Variants in IL21R observed in about 807,000 individuals in gnomAD.
IL21R encodes interleukin-21 receptor.
In IL21R, 14 loss-of-function variants were observed where a neutral mutation model predicts 41.3. The observed-to-expected ratio is 0.34, with a 90% CI of 0.22 to 0.53. The LOEUF is 0.53. IL21R is among the 20% of genes least tolerant of loss of function. The probability of loss-of-function intolerance (pLI) is 0.94; values close to 1 mark genes in which losing one functional copy is unlikely to be tolerated. For missense variants in IL21R, 588 were observed against 681.6 expected, an observed-to-expected ratio of 0.86 and a Z score of 1.53; for synonymous variants, 286 against 287.6, an observed-to-expected ratio of 0.99 and a Z score of 0.05.
chr16:27,409,068 C>T (rs1426241763), intron 1 of IL21R, among the ~76,000 whole-genome samples: 6 of 151,696 alleles, frequency 4.0e-5, no homozygotes, highest in Admixed American at 6.6e-5. Context: ...GTGGTTGTGT[C>T]GATTTACACT....
intron 1 of IL21R, among the ~76,000 whole-genome samples, chr16:27,428,396 C>T (rs530433979): frequency 7.2e-5 from 11 of 152,206 alleles, no homozygotes; most frequent in African/African-American, 7.2e-5. Context: ...TTGGGAACCC[C>T]GGCACAGAGG....
At chr16:27,414,677 A>G (rs149040084) in intron 1 of IL21R, among the ~76,000 whole-genome samples, 2 of 151,520 alleles carry the variant, frequency 1.3e-5, no homozygotes, top group South Asian at 4.2e-4. Flanking sequence ...TTTAAAAATT[A>G]TTATTCCATT....
intron 3 of IL21R, among the ~76,000 whole-genome samples, chr16:27,434,921 C>G (rs1449579724): frequency 2.0e-5 from 3 of 152,170 alleles, no homozygotes; most frequent in African/African-American, 7.2e-5. Context: ...CTATGCAGCT[C>G]AGGATAAAGA....
intron 1 of IL21R, among the ~76,000 whole-genome samples, chr16:27,429,353 C>A (rs1023704852): frequency 6.6e-6 from 1 of 152,166 alleles, no homozygotes; most frequent in African/African-American, 2.4e-5. Context: ...TTTCTCTCTC[C>A]CTTCCTCTCT....
Position 27,433,825 on chromosome 16 carries a change from C to T in IL21R, c.50-522C>T, listed in dbSNP as rs181108063. ...CTCCTTGAAGCACTTCCTGAATCTC[C>T]GAGAGTGGGTGTCCTGTGGATCCAA... On this transcript the variant is annotated intron_variant, in intron 2 of 8. Coordinates refer to ENST00000337929, the MANE Select transcript of IL21R (RefSeq NM_181078.3). Among the ~76,000 whole-genome samples, 432 of 152,242 alleles carry T rather than the reference C, an allele frequency of 2.8e-3. 1 individual carries two copies. The highest frequency in any genetic ancestry group is 6.8e-3 in the Middle Eastern group (2 of 294).
intron 1 of IL21R, among the ~76,000 whole-genome samples, chr16:27,426,809 A>G (rs2087084920): frequency 6.6e-6 from 1 of 152,220 alleles, no homozygotes; most frequent in Non-Finnish European, 1.5e-5. Context: ...TCAAATTCTG[A>G]GCCCTTTTCT....
chr16:27,419,651 C>A (rs8059254), intron 1 of IL21R, among the ~76,000 whole-genome samples: 54,206 of 151,912 alleles, frequency 0.36, 10,003 homozygotes, highest in East Asian at 0.5. Flanking sequence ...TGGTTTCCAA[C>A]TCCTGACCTC....
intron 1 of IL21R, among the ~76,000 whole-genome samples, chr16:27,407,485 G>T (rs1201516230): frequency 6.6e-6 from 1 of 152,184 alleles, no homozygotes; most frequent in African/African-American, 2.4e-5. Flanking sequence ...AGAGGGAAAG[G>T]CATGTCCAAA....
chr16:27,448,820 A>G lies in IL21R; in HGVS notation c.1154A>G (p.Glu385Gly). The G allele has an allele frequency of 1.2e-6, 2 of 1,613,370 alleles. No homozygotes were observed. The highest frequency in any genetic ancestry group is 1.7e-6 in the Non-Finnish European group (2 of 1,180,012). Residue 385 changes from glutamate (E) to glycine (G), a missense_variant, in exon 9 of 9, where the codon GAG becomes GGG. Coordinates refer to ENST00000337929, the MANE Select transcript of IL21R (RefSeq NM_181078.3). The stretch of plus-strand genomic sequence containing the variant: ...GACACAGTGACTGTGCTAGATGCAG[A>G]GGGGCCATGCACCTGGCCCTGCAGC... ...SIDTVTVLDA[E>G]GPCTWPCSCE...
chr16:27,430,914 A>C (rs1231658157), intron 2 of IL21R, among the ~76,000 whole-genome samples: 2 of 152,174 alleles, frequency 1.3e-5, no homozygotes, highest in African/African-American at 4.8e-5. Flanking sequence ...AAGAGCCAAA[A>C]GGAGACTGAA....
chr16:27,413,102 A>G (rs534495066), intron 1 of IL21R, among the ~76,000 whole-genome samples: 137 of 152,214 alleles, frequency 9.0e-4, no homozygotes, highest in African/African-American at 2.8e-3. Flanking sequence ...TGGGCTTTTT[A>G]TATATAAACT....
chr16:27,421,910 TC>T (rs1262736256), intron 1 of IL21R, among the ~76,000 whole-genome samples: 1 of 152,242 alleles, frequency 6.6e-6, no homozygotes, highest in Middle Eastern at 3.4e-3. Context: ...TTTATAAAAG[TC>T]ACAAGAGTGA....
At position 27,442,509 on chromosome 16, in the gene IL21R, G is replaced by A. The variant is rs943440436; in HGVS notation, c.353-453G>A. ...CTCCCGAGTAGATGGGACTACAGGC[G>A]CCCGCCACCACGCCCGGCTAATTTT... On this transcript the variant is annotated intron_variant, in intron 4 of 8. Transcript: ENST00000337929. Among the ~76,000 whole-genome samples the A allele has an allele frequency of 3.9e-5, 6 of 151,992 alleles. No individual in the cohort carries two copies. The South Asian group carries it at 8.3e-4, about 21-fold the overall frequency.
At chr16:27,408,705 G>A (rs1187087072) in intron 1 of IL21R, among the ~76,000 whole-genome samples, 4 of 152,244 alleles carry the variant, frequency 2.6e-5, no homozygotes, top group East Asian at 1.9e-4. Context: ...GCACTTCTGG[G>A]GAGTCCCTCT....
chr16:27,416,918 T>G (rs1032482045), intron 1 of IL21R, among the ~76,000 whole-genome samples: 3 of 152,232 alleles, frequency 2.0e-5, no homozygotes, highest in African/African-American at 7.2e-5. Context: ...CATGAATTTT[T>G]AAAGTTCATC....
chr16:27,440,275 A>AGAGAGAGAGAGAGAGAGC (rs1555498060), intron 4 of IL21R, among the ~76,000 whole-genome samples: 1 of 140,318 alleles, frequency 7.1e-6, no homozygotes, highest in Non-Finnish European at 1.5e-5. Context: ...AGAGAGAGAG[A>AGAGAGAGAGAGAGAGAGC]GAGAGCGAGC....
intron 2 of IL21R, among the ~76,000 whole-genome samples, chr16:27,431,058 AG>A (rs983165234): frequency 2.6e-5 from 4 of 152,182 alleles, no homozygotes; most frequent in African/African-American, 9.6e-5. Context: ...GGCTTCCTGG[AG>A]GAGGGGGCCA....
At chr16:27,409,443 C>A (rs2086794752) in intron 1 of IL21R, among the ~76,000 whole-genome samples, 1 of 151,740 alleles carries the variant, frequency 6.6e-6, no homozygotes, top group African/African-American at 2.4e-5. Context: ...GTGTTGCCTG[C>A]AATAAAGTGA....
intron 8 of IL21R, 113 bp downstream of exon 8, chr16:27,446,201 G>A: frequency 1.4e-6 from 1 of 719,762 alleles, no homozygotes; most frequent in South Asian, 2.0e-5. Flanking sequence ...GAGCATCCAG[G>A]TCTCAGCCAA....
Sources: gnomAD v4.1 joint callset for allele counts (sites outside exome capture counted in the v4.1 genomes callset) on GRCh38, gnomAD v4.1.1 for gene constraint, MANE v1.5 for transcripts, NCBI Gene and HGNC (gene_info 2026-07-23, HGNC 2026-07-21) for gene names.